The following FGGY variants were observed in gnomAD, a reference collection of about 807,000 sequenced individuals.
FGGY encodes the protein FGGY carbohydrate kinase domain containing.
FGGY carries 72 observed loss-of-function variants against 71.3 expected under a neutral mutation model. That is an observed-to-expected ratio of 1.01 (90% confidence interval 0.84 to 1.23). FGGY has a LOEUF of 1.23. Among genes scored for constraint, FGGY ranks in the 50% most tolerant of loss-of-function variants. The pLI is 0.00. For synonymous variants in FGGY, 251 were observed against 250.3 expected, an observed-to-expected ratio of 1.00 and a Z score of -0.02; for missense variants, 668 against 682.3, an observed-to-expected ratio of 0.98 and a Z score of 0.23.
chr1:59,685,177 G>A (rs1302873079), intron 14 of FGGY, among the ~76,000 whole-genome samples: 2 of 152,106 alleles, frequency 1.3e-5, no homozygotes, highest in African/African-American at 4.8e-5. Context: ...CTAGAAATAG[G>A]GTAGACGCTT....
chr1:59,415,278 T>TA (rs2064202990), intron 5 of FGGY, among the ~76,000 whole-genome samples: 1 of 152,326 alleles, frequency 6.6e-6, no homozygotes, highest in Admixed American at 6.5e-5. Context: ...TATACCTCAA[T>TA]AAAGTTGTTT....
intron 6 of FGGY, among the ~76,000 whole-genome samples, chr1:59,468,311 C>T (rs2092754429): frequency 6.6e-6 from 1 of 152,194 alleles, no homozygotes; most frequent in Admixed American, 6.5e-5. Flanking sequence ...TGTTCACTGT[C>T]ATCTTTCATG....
chr1:59,716,995 C>T (rs927093870), intron 14 of FGGY, among the ~76,000 whole-genome samples: 1 of 152,134 alleles, frequency 6.6e-6, no homozygotes, highest in Non-Finnish European at 1.5e-5. Flanking sequence ...TTCAGAATAA[C>T]AATAGTGATC....
intron 13 of FGGY, among the ~76,000 whole-genome samples, chr1:59,673,233 A>C: frequency 6.6e-6 from 1 of 152,200 alleles, no homozygotes; most frequent in Middle Eastern, 3.2e-3. Context: ...AGGAGTGTTG[A>C]GGGAAGTTGT....
In FGGY at chr1:59,321,609, C is replaced by T. The variant is rs773950262; in HGVS notation, c.60C>T (p.Gly20=). The change falls in exon 2 of 16, where the codon GGC becomes GGT. Residue 20 remains glycine (G), a synonymous_variant. Transcript: ENST00000303721. ...RYYVGVDVGT[G]SVRAALVDQS... ...ATGTGGGTGTGGACGTTGGAACAGG[C>T]AGTGTCCGTGCAGCTCTGGTGGACC... is the stretch of plus-strand genomic sequence containing the variant. 2.5e-6 allele frequency: 4 copies of T among 1,613,804 alleles called. No homozygotes were observed. Among genetic ancestry groups the T allele is most frequent in the African/African-American group, 2.7e-5 (2 of 74,912 alleles).
chr1:59,424,814 CA>C (rs1409190089), intron 5 of FGGY, among the ~76,000 whole-genome samples: 1 of 152,102 alleles, frequency 6.6e-6, no homozygotes, highest in East Asian at 1.9e-4. Context: ...CAAAGGAAGG[CA>C]TGATTTGTGT....
At chr1:59,673,788 G>A (rs1291892173) in intron 13 of FGGY, 3 of 393,944 alleles carry the variant, frequency 7.6e-6, no homozygotes, top group Non-Finnish European at 1.4e-5. Flanking sequence ...CCTGGGCACT[G>A]AGGTCTCGTG....
chr1:59,453,070 A>G (rs2091348650), intron 5 of FGGY, among the ~76,000 whole-genome samples: 1 of 152,188 alleles, frequency 6.6e-6, no homozygotes. Flanking sequence ...ACAAAGTCCT[A>G]TGTTTTCTTT....
chr1:59,473,114 T>G (rs2093060515), intron 6 of FGGY, among the ~76,000 whole-genome samples: 2 of 152,086 alleles, frequency 1.3e-5, no homozygotes, highest in African/African-American at 4.8e-5. Flanking sequence ...TGTGGAAGCT[T>G]TGTTCTTTCT....
intron 6 of FGGY, among the ~76,000 whole-genome samples, chr1:59,481,929 C>T (rs600370): frequency 0.44 from 67,232 of 151,896 alleles, 15,143 homozygotes; most frequent in Middle Eastern, 0.51. Context: ...TAAAAACCGA[C>T]ATGAAAAGAA....
At chr1:59,320,816 T>G (rs1411206762) in intron 1 of FGGY, among the ~76,000 whole-genome samples, 1 of 152,226 alleles carries the variant, frequency 6.6e-6, no homozygotes, top group African/African-American at 2.4e-5. Flanking sequence ...AATATGGGAC[T>G]TTAGGTCCAG....
intron 5 of FGGY, among the ~76,000 whole-genome samples, chr1:59,422,654 G>A (rs1457013476): frequency 2.6e-5 from 4 of 151,246 alleles, no homozygotes; most frequent in East Asian, 1.9e-4. Context: ...GTGATCATGC[G>A]CTGCACTCCG....
At chr1:59,518,645 G>T (rs1337857939) in intron 7 of FGGY, among the ~76,000 whole-genome samples, 1 of 152,148 alleles carries the variant, frequency 6.6e-6, no homozygotes, top group Non-Finnish European at 1.5e-5. Context: ...CTTCAGATCT[G>T]GTTGTTTAAT....
At chr1:59,683,295 A>G (rs2097519456) in intron 14 of FGGY, among the ~76,000 whole-genome samples, 1 of 152,220 alleles carries the variant, frequency 6.6e-6, no homozygotes, top group Non-Finnish European at 1.5e-5. Context: ...ACTCAAATTC[A>G]GATCTTACTC....
chr1:59,563,282 G>A (rs1032180997), intron 8 of FGGY, among the ~76,000 whole-genome samples: 2 of 152,174 alleles, frequency 1.3e-5, no homozygotes, highest in African/African-American at 4.8e-5. Flanking sequence ...TCAATACCTA[G>A]TTTATGGATT....
intron 5 of FGGY, among the ~76,000 whole-genome samples, chr1:59,389,690 C>T (rs1043156372): frequency 2.6e-5 from 4 of 152,316 alleles, no homozygotes; most frequent in Admixed American, 2.6e-4. Flanking sequence ...CTCCATTTTA[C>T]ATTCCCACCA....
intron 1 of FGGY, among the ~76,000 whole-genome samples, chr1:59,304,592 A>AT (rs576817670): frequency 9.0e-5 from 13 of 145,116 alleles, no homozygotes; most frequent in Non-Finnish European, 1.4e-4. Context: ...GTTTTTCTCT[A>AT]TTTTTTTTTT....
intron 5 of FGGY, among the ~76,000 whole-genome samples, chr1:59,438,841 A>G (rs1391757469): frequency 6.6e-6 from 1 of 152,178 alleles, no homozygotes; most frequent in Non-Finnish European, 1.5e-5. Context: ...TACTTCCATG[A>G]CCTAAAACAA....
chr1:59,420,745 A>C (rs564385266), intron 5 of FGGY, among the ~76,000 whole-genome samples: 1 of 152,282 alleles, frequency 6.6e-6, no homozygotes, highest in Non-Finnish European at 1.5e-5. Flanking sequence ...TGATCAAAAT[A>C]TTATATTGCT....
Sources: gnomAD v4.1 joint callset for allele counts (sites outside exome capture counted in the v4.1 genomes callset) on GRCh38, gnomAD v4.1.1 for gene constraint, MANE v1.5 for transcripts, NCBI Gene and HGNC (gene_info 2026-07-23, HGNC 2026-07-21) for gene names.